Variants in ANO5 observed in about 807,000 individuals in gnomAD.
ANO5 encodes the protein anoctamin 5, also known as anoctamin-5.
A neutral mutation model predicts 121.0 loss-of-function variants in ANO5; 109 were observed. That is an observed-to-expected ratio of 0.90 (90% CI 0.77 to 1.06). The LOEUF is 1.06. Among genes scored for constraint, ANO5 ranks in the 50% least tolerant of loss-of-function variants. The pLI is 0.00. For synonymous variants in ANO5, 406 were observed against 359.9 expected, an observed-to-expected ratio of 1.13 and a Z score of -1.45; for missense variants, 1,064 against 1,078.5, an observed-to-expected ratio of 0.99 and a Z score of 0.19.
intron 2 of ANO5, among the ~76,000 whole-genome samples, chr11:22,209,362 A>T (rs1358815537): frequency 6.6e-6 from 1 of 151,892 alleles, no homozygotes; most frequent in Non-Finnish European, 1.5e-5. Context: ...AGAACTTCCC[A>T]TGTATTATTT....
intron 17 of ANO5, among the ~76,000 whole-genome samples, chr11:22,264,238 T>TGGTCTGGAACTCCTGACTTCA (rs1433092137): frequency 1.3e-5 from 2 of 152,000 alleles, no homozygotes; most frequent in African/African-American, 2.4e-5. Context: ...TTGACCAGGC[T>TGGTCTGGAACTCCTGACTTCA]GGTCTGGAAC....
At chr11:22,249,059 G>C (rs1306872409) in intron 9 of ANO5, among the ~76,000 whole-genome samples, 1 of 151,932 alleles carries the variant, frequency 6.6e-6, no homozygotes, top group Non-Finnish European at 1.5e-5. Context: ...AAGGGAATAT[G>C]ATGGCATTAT....
intron 5 of ANO5, among the ~76,000 whole-genome samples, chr11:22,224,183 C>A (rs1852750510): frequency 6.6e-6 from 1 of 151,996 alleles, no homozygotes; most frequent in South Asian, 2.1e-4. Context: ...TAATCCTCAC[C>A]TTTCCTTATC....
intron 7 of ANO5, among the ~76,000 whole-genome samples, chr11:22,234,672 C>A (rs901553432): frequency 1.3e-5 from 2 of 152,154 alleles, no homozygotes; most frequent in African/African-American, 4.8e-5. Flanking sequence ...GGGCAAGTCA[C>A]TTTGCCTTTT....
chr11:22,269,289 AAG>A (rs1554933272), intron 17 of ANO5, among the ~76,000 whole-genome samples: 1 of 57,434 alleles, frequency 1.7e-5, no homozygotes. Context: ...AAGAGAAGGG[AAG>A]AAGGAAAGAA....
chr11:22,259,385 G>T, intron 14 of ANO5, 134 bp from the exon 15 acceptor site: 4 of 896,654 alleles, frequency 4.5e-6, no homozygotes, highest in African/African-American at 1.7e-5. Flanking sequence ...AAGAGAGACT[G>T]ACTTAGTTTG....
chr11:22,255,317 A>T (rs1044683324), intron 12 of ANO5, 54 bp from the exon 13 acceptor site: 26 of 1,428,426 alleles, frequency 1.8e-5, no homozygotes, highest in Middle Eastern at 2.4e-4. Context: ...GGAAAAGTTG[A>T]AAAAGTTTTT....
chr11:22,272,300 C>T (rs994027320), intron 18 of ANO5, among the ~76,000 whole-genome samples: 6 of 58,406 alleles, frequency 1.0e-4, no homozygotes, highest in South Asian at 1.5e-3. Flanking sequence ...TTTCCTTTTC[C>T]GGCACACACA....
intron 21 of ANO5, among the ~76,000 whole-genome samples, chr11:22,277,138 G>A (rs995591992): frequency 4.6e-5 from 7 of 151,044 alleles, no homozygotes; most frequent in African/African-American, 1.5e-4. Flanking sequence ...TATTTTTTAG[G>A]TTGAGCTATC....
intron 2 of ANO5, among the ~76,000 whole-genome samples, chr11:22,205,549 A>G (rs934713649): frequency 2.7e-5 from 4 of 146,554 alleles, no homozygotes; most frequent in African/African-American, 4.9e-5. Context: ...AAATAAAATA[A>G]AATAAAATAA....
intron 7 of ANO5, among the ~76,000 whole-genome samples, chr11:22,234,033 G>T (rs1853134965): frequency 6.6e-6 from 1 of 152,058 alleles, no homozygotes; most frequent in Non-Finnish European, 1.5e-5. Context: ...AATTCTTAAG[G>T]ATCTTGATCC....
intron 20 of ANO5, among the ~76,000 whole-genome samples, chr11:22,275,060 T>G (rs1854785131): frequency 6.6e-6 from 1 of 152,016 alleles, no homozygotes; most frequent in Non-Finnish European, 1.5e-5. Flanking sequence ...CAAGTGCCCC[T>G]TAGTCCAAAG....
In ANO5 at chr11:22,207,958, C is replaced by G. The variant is rs550849550; in HGVS notation, c.88-3306C>G. On this transcript the variant is annotated intron_variant, in intron 2 of 21. Transcript: ENST00000324559. ...CAATATCACCAGCCACTAAGAAATG[C>G]AAAATAAGATCAAAGTGAGATGTCA... 2.2e-4 allele frequency among the ~76,000 whole-genome samples: 34 copies of G among 151,876 alleles called. 2 individuals are homozygous for G. In the South Asian group the frequency reaches 7.1e-3, roughly 32 times the overall value.
intron 2 of ANO5, among the ~76,000 whole-genome samples, chr11:22,204,205 A>T (rs939646944): frequency 6.6e-5 from 10 of 152,076 alleles, no homozygotes; most frequent in African/African-American, 1.2e-4. Flanking sequence ...TATTAGTATG[A>T]TTAGTGCTTA....
intron 3 of ANO5, among the ~76,000 whole-genome samples, chr11:22,214,439 C>A (rs769869140): frequency 4.6e-5 from 7 of 151,744 alleles, no homozygotes; most frequent in African/African-American, 1.5e-4. Flanking sequence ...TAGGCCTACT[C>A]AGTGTAGGAT....
At chr11:22,239,338 G>A (rs986245589) in intron 8 of ANO5, among the ~76,000 whole-genome samples, 5 of 152,190 alleles carry the variant, frequency 3.3e-5, no homozygotes, top group South Asian at 2.1e-4. Context: ...AATAGCTTGA[G>A]TAAAGCCAAA....
rs1002467719 is a variant in ANO5 at position 22,212,922 on chromosome 11, A to C, written c.138+1608A>C. Among the ~76,000 whole-genome samples, 23 of 151,362 alleles carry C rather than the reference A, an allele frequency of 1.5e-4. 1 individual carries two copies. Among genetic ancestry groups the C allele is most frequent in the Admixed American group, 1.1e-3 (17 of 15,156 alleles). Reference sequence around the variant, plus strand: ...CAGATACTTTCCTCAAATATGTTAAATACATATAATTTAATTTTTAAATTC... The same window carrying C: ...CAGATACTTTCCTCAAATATGTTAACTACATATAATTTAATTTTTAAATTC... On this transcript the variant is annotated intron_variant, in intron 3 of 21. Transcript: ENST00000324559.
intron 15 of ANO5, among the ~76,000 whole-genome samples, chr11:22,260,689 C>G (rs756201818): frequency 6.6e-6 from 1 of 152,130 alleles, no homozygotes; most frequent in Non-Finnish European, 1.5e-5. Context: ...CTACATTTCA[C>G]TAAAATGGGG....
intron 21 of ANO5, among the ~76,000 whole-genome samples, chr11:22,276,403 C>G (rs762995114): frequency 2.6e-5 from 4 of 151,690 alleles, no homozygotes; most frequent in Admixed American, 6.6e-5. Context: ...TTGAACATGT[C>G]ATGGTGACAG....
Sources: gnomAD v4.1 joint callset for allele counts (sites outside exome capture counted in the v4.1 genomes callset) on GRCh38, gnomAD v4.1.1 for gene constraint, MANE v1.5 for transcripts, NCBI Gene and HGNC (gene_info 2026-07-23, HGNC 2026-07-21) for gene names.